The following DSCAM variants were observed in gnomAD, a reference collection of about 807,000 sequenced individuals.
The protein encoded by DSCAM is cell adhesion molecule DSCAM.
DSCAM carries 47 observed loss-of-function variants against 217.7 expected under a neutral mutation model. That is an observed-to-expected ratio of 0.22 (90% CI 0.17 to 0.28). DSCAM has a LOEUF of 0.28. Ranked by LOEUF, DSCAM falls within the 10% of genes least tolerant of loss-of-function variation. The probability of loss-of-function intolerance (pLI) is 1.00; values close to 1 mark genes in which losing one functional copy is unlikely to be tolerated. For synonymous variants in DSCAM, 1,056 were observed against 1,015.3 expected (o/e 1.04, Z -0.76); for missense variants, 2,080 against 2,618.3 (o/e 0.79, Z 4.49).
rs571004725 is a variant in DSCAM, at chr21:40,482,029, A to G, written c.509-112784T>C. 3.3e-5 allele frequency among the ~76,000 whole-genome samples: 5 copies of G among 152,344 alleles called. No homozygotes were observed. The East Asian group carries it at 7.7e-4, about 24-fold the overall frequency. ...AATCTCAGAAGTGTCTGAAGTCACT[A>G]TAATTACCATGGCAACACCACTCCG... is the stretch of plus-strand genomic sequence containing the variant. On this transcript the variant is annotated intron_variant, in intron 3 of 32. Transcript: ENST00000400454.
At chr21:40,459,497 T>C (rs1569132565) in intron 3 of DSCAM, among the ~76,000 whole-genome samples, 1 of 152,172 alleles carries the variant, frequency 6.6e-6, no homozygotes, top group Non-Finnish European at 1.5e-5. Context: ...TGCCTAAGTA[T>C]GTACAAAGAA....
At chr21:40,327,287 C>T (rs180885221) in intron 8 of DSCAM, among the ~76,000 whole-genome samples, 1 of 152,234 alleles carries the variant, frequency 6.6e-6, no homozygotes, top group East Asian at 1.9e-4. Flanking sequence ...ACATAATTCT[C>T]TCCTTCTCTA....
chr21:40,717,338 T>C (rs144365561), intron 1 of DSCAM, among the ~76,000 whole-genome samples: 17 of 152,334 alleles, frequency 1.1e-4, no homozygotes, highest in African/African-American at 4.1e-4. Flanking sequence ...ATTAGGCACA[T>C]ACCCAGGAGA....
intron 27 of DSCAM, among the ~76,000 whole-genome samples, chr21:40,064,821 G>C (rs751546943): frequency 3.3e-5 from 5 of 152,202 alleles, no homozygotes; most frequent in Non-Finnish European, 7.3e-5. Flanking sequence ...CTAAGGAGAT[G>C]TGACTTTGTA....
intron 14 of DSCAM, among the ~76,000 whole-genome samples, chr21:40,184,672 A>G (rs2090874292): frequency 1.3e-5 from 2 of 152,158 alleles, no homozygotes. Context: ...TGATTCTTAG[A>G]TTTCAATTGC....
chr21:40,538,752 G>A (rs1340415514), intron 3 of DSCAM, among the ~76,000 whole-genome samples: 1 of 152,146 alleles, frequency 6.6e-6, no homozygotes, highest in Admixed American at 6.5e-5. Context: ...GGCCTCTCAG[G>A]TAGAATTGCT....
chr21:40,457,189 TAGTGGGA>T (rs1293293383), intron 3 of DSCAM, among the ~76,000 whole-genome samples: 1 of 152,120 alleles, frequency 6.6e-6, no homozygotes, highest in Non-Finnish European at 1.5e-5. Flanking sequence ...TCTCTGGCCA[TAGTGGGA>T]AGTTGACACT....
chr21:40,601,329 A>G (rs747120865), intron 3 of DSCAM, among the ~76,000 whole-genome samples: 1 of 152,200 alleles, frequency 6.6e-6, no homozygotes, highest in Non-Finnish European at 1.5e-5. Context: ...TTGCTGGTAC[A>G]TTGGAAAGCA....
At position 40,058,232 on chromosome 21, in the gene DSCAM, C is replaced by T. The variant is rs548389663; in HGVS notation, c.4920-2392G>A. Among the ~76,000 whole-genome samples the T allele has an allele frequency of 3.3e-5, 5 of 152,140 alleles. No individual in the cohort carries two copies. In the South Asian group the frequency reaches 6.2e-4, roughly 19 times the overall value. On this transcript the variant is annotated intron_variant, in intron 28 of 32. Transcript: ENST00000400454. Reference sequence around the variant, plus strand: ...GTTCCCGTTGTTTAGAACACACTTCCCCTGCTACCCCCAAAACCCACATAC... The same window carrying T: ...GTTCCCGTTGTTTAGAACACACTTCTCCTGCTACCCCCAAAACCCACATAC...
intron 1 of DSCAM, among the ~76,000 whole-genome samples, chr21:40,752,232 A>G (rs764394659): frequency 6.5e-4 from 99 of 152,156 alleles, no homozygotes; most frequent in Non-Finnish European, 1.2e-3. Flanking sequence ...CTCTGTCAAG[A>G]ATGGGTGCTT....
At chr21:40,294,619 A>T (rs571187459) in intron 10 of DSCAM, among the ~76,000 whole-genome samples, 12 of 152,356 alleles carry the variant, frequency 7.9e-5, no homozygotes, top group African/African-American at 2.9e-4. Context: ...AACTGTAAAC[A>T]CCCTCAGGGA....
chr21:40,618,967 A>G (rs2089443207), intron 3 of DSCAM: 1 of 152,256 alleles, frequency 6.6e-6, no homozygotes, highest in African/African-American at 2.4e-5. Flanking sequence ...CAGGCCTCGC[A>G]ATCTGTCCTG....
intron 3 of DSCAM, among the ~76,000 whole-genome samples, chr21:40,449,947 G>A (rs2075705426): frequency 6.6e-6 from 1 of 152,026 alleles, no homozygotes. Context: ...TTTCTTCAAA[G>A]GCAGAAATAA....
At chr21:40,288,394 T>G (rs1269325093) in intron 10 of DSCAM, among the ~76,000 whole-genome samples, 1 of 152,204 alleles carries the variant, frequency 6.6e-6, no homozygotes, top group Non-Finnish European at 1.5e-5. Flanking sequence ...TTTTCCAGAT[T>G]TTTTGGAAAC....
intron 26 of DSCAM, among the ~76,000 whole-genome samples, chr21:40,077,754 TG>T (rs1449162047): frequency 6.6e-6 from 1 of 152,136 alleles, no homozygotes; most frequent in Non-Finnish European, 1.5e-5. Flanking sequence ...AGGGTTTGGG[TG>T]TTTCTTGGTT....
At chr21:40,278,421 T>G (rs1035236587) in intron 10 of DSCAM, among the ~76,000 whole-genome samples, 1 of 151,988 alleles carries the variant, frequency 6.6e-6, no homozygotes, top group African/African-American at 2.4e-5. Flanking sequence ...AGAAACAAAA[T>G]AGCATGATTG....
chr21:40,190,415 G>C (rs1009180801), intron 11 of DSCAM, among the ~76,000 whole-genome samples: 1 of 152,140 alleles, frequency 6.6e-6, no homozygotes, highest in Non-Finnish European at 1.5e-5. Context: ...GACTACCTGA[G>C]AGGCATGACA....
intron 3 of DSCAM, among the ~76,000 whole-genome samples, chr21:40,471,681 C>T (rs796281621): frequency 7.2e-5 from 11 of 152,328 alleles, no homozygotes; most frequent in African/African-American, 2.6e-4. Context: ...AGCCTGGTTT[C>T]ACACTCCTAC....
At chr21:40,431,095 G>T (rs1321941619) in intron 3 of DSCAM, among the ~76,000 whole-genome samples, 3 of 152,142 alleles carry the variant, frequency 2.0e-5, no homozygotes, top group African/African-American at 7.2e-5. Flanking sequence ...AACAAAAATA[G>T]TTATCCTGCC....
Sources: gnomAD v4.1 joint callset for allele counts (sites outside exome capture counted in the v4.1 genomes callset) on GRCh38, gnomAD v4.1.1 for gene constraint, MANE v1.5 for transcripts, NCBI Gene and HGNC (gene_info 2026-07-23, HGNC 2026-07-21) for gene names.